Variants in ATP8A2 observed in about 807,000 individuals in gnomAD.
ATP8A2 encodes phospholipid-transporting ATPase IB.
Under a neutral mutation model 165.6 loss-of-function variants are expected in ATP8A2, and 100 were observed. The ratio of observed to expected loss-of-function variants is 0.60; its 90% CI spans 0.51 to 0.71. The LOEUF (loss-of-function observed/expected upper bound fraction) is 0.71, where lower values mean the gene tolerates loss of function less well. ATP8A2 is among the 30% of genes least tolerant of loss of function. ATP8A2 has a pLI of 0.00. For missense variants in ATP8A2, 1,227 were observed against 1,479.5 expected (o/e 0.83, Z 2.80); for synonymous variants, 543 against 548.8 (o/e 0.99, Z 0.15).
At chr13:25,607,741 A>G (rs945932799) in intron 24 of ATP8A2, among the ~76,000 whole-genome samples, 1 of 152,224 alleles carries the variant, frequency 6.6e-6, no homozygotes, top group African/African-American at 2.4e-5. Context: ...AATTGGATCT[A>G]TGGCTAATTT....
Position 25,516,509 on chromosome 13 carries a change from T to C in ATP8A2, c.222-13490T>C, listed in dbSNP as rs559192710. 3.4e-4 allele frequency among the ~76,000 whole-genome samples: 52 copies of C among 152,324 alleles called. No individual in the cohort carries two copies. The South Asian group carries it at 0.011, about 31-fold the overall frequency. ...AAATGTGGTATACTTAAATGCAATA[T>C]GTTTTAGTGTTAGAGTTTCACACGC... On this transcript the variant is annotated intron_variant, in intron 2 of 36. Transcript: ENST00000381655.
intron 24 of ATP8A2, among the ~76,000 whole-genome samples, chr13:25,644,988 C>G (rs1320095009): frequency 1.3e-5 from 2 of 151,968 alleles, no homozygotes; most frequent in Non-Finnish European, 2.9e-5. Flanking sequence ...TTTTGTTTGT[C>G]TTTTAAAAAA....
intron 26 of ATP8A2, among the ~76,000 whole-genome samples, chr13:25,773,993 T>C (rs1454439430): frequency 1.3e-5 from 2 of 152,226 alleles, no homozygotes; most frequent in Non-Finnish European, 2.9e-5. Flanking sequence ...GACTGTATTG[T>C]GTGAGTGTCC....
chr13:25,528,851 A>T (rs1445498597), intron 2 of ATP8A2, among the ~76,000 whole-genome samples: 1 of 143,116 alleles, frequency 7.0e-6, no homozygotes, highest in East Asian at 2.0e-4. Context: ...ATGCACACAT[A>T]TGCAACATGT....
intron 2 of ATP8A2, among the ~76,000 whole-genome samples, chr13:25,506,959 A>G (rs866451493): frequency 6.9e-6 from 1 of 145,946 alleles, no homozygotes; most frequent in Non-Finnish European, 1.5e-5. Context: ...ATATATATAT[A>G]TATCTTATTT....
intron 25 of ATP8A2, among the ~76,000 whole-genome samples, chr13:25,723,995 A>G (rs2043440425): frequency 1.3e-5 from 2 of 152,158 alleles, no homozygotes; most frequent in South Asian, 2.1e-4. Context: ...GGTAACCTCT[A>G]GGTGCTGGGA....
chr13:25,437,512 C>A (rs1246418013), intron 1 of ATP8A2, among the ~76,000 whole-genome samples: 2 of 152,296 alleles, frequency 1.3e-5, no homozygotes, highest in African/African-American at 4.8e-5. Flanking sequence ...CAGATCAAAG[C>A]TCTTATATAA....
At chr13:25,589,734 A>G (rs764471497) in intron 24 of ATP8A2, 35 bp downstream of exon 24, 4 of 1,354,424 alleles carry the variant, frequency 3.0e-6, no homozygotes, top group East Asian at 2.3e-5. Flanking sequence ...TTGCTTTGCT[A>G]TAACAGTATT....
intron 35 of ATP8A2, among the ~76,000 whole-genome samples, chr13:26,003,126 T>G (rs1956669234): frequency 6.6e-6 from 1 of 152,160 alleles, no homozygotes; most frequent in African/African-American, 2.4e-5. Context: ...GTAGCTATAC[T>G]AATTTGTATT....
chr13:25,727,541 C>T (rs1354940045), intron 25 of ATP8A2, among the ~76,000 whole-genome samples: 2 of 152,158 alleles, frequency 1.3e-5, no homozygotes, highest in Non-Finnish European at 2.9e-5. Flanking sequence ...TGGAAATGCT[C>T]ATGGCTAAAG....
At chr13:25,980,028 A>T (rs981723771) in intron 35 of ATP8A2, among the ~76,000 whole-genome samples, 6 of 152,208 alleles carry the variant, frequency 3.9e-5, no homozygotes, top group African/African-American at 1.4e-4. Flanking sequence ...GGAAAACCGT[A>T]TGTATTTTTA....
chr13:25,851,564 C>T (rs181808328), intron 30 of ATP8A2, among the ~76,000 whole-genome samples: 3 of 147,338 alleles, frequency 2.0e-5, no homozygotes, highest in African/African-American at 7.5e-5. Flanking sequence ...GCCTGGGTGA[C>T]AGAGTGTGAC....
At position 25,372,163 on chromosome 13, in the gene ATP8A2, C is replaced by T. The variant is rs1389037356; in HGVS notation, c.-50C>T. ...GGCGGCCCCTGCGCCCAGCCCTGCGCGTAGCCTCCGTCTCTCGCCCGGGGC... is the reference window on the plus strand; with the variant it reads ...GGCGGCCCCTGCGCCCAGCCCTGCGTGTAGCCTCCGTCTCTCGCCCGGGGC... On this transcript the variant is annotated 5_prime_UTR_variant, in exon 1 of 37. Transcript: ENST00000381655. The surrounding 1 kb of genome is among the most constrained non-coding windows in gnomAD (Gnocchi z 4.8). 1.5e-6 allele frequency: 2 copies of T among 1,334,432 alleles called. No individual in the cohort carries two copies. The highest frequency in any genetic ancestry group is 3.1e-5 in the African/African-American group (2 of 65,548). The allele number at this position is 1,334,432 out of a possible 1,614,324, so 82.7% of individuals were successfully genotyped here. A position where few individuals can be genotyped will look rare whatever the true frequency, so the allele number is the denominator to read the frequency against.
At chr13:25,518,937 G>A (rs1338302346) in intron 2 of ATP8A2, among the ~76,000 whole-genome samples, 1 of 152,152 alleles carries the variant, frequency 6.6e-6, no homozygotes, top group Admixed American at 6.5e-5. Flanking sequence ...TCCTCTCCTG[G>A]GAAGCCTCCA....
chr13:25,643,997 A>ATTTTG (rs2041606152), intron 24 of ATP8A2, among the ~76,000 whole-genome samples: 1 of 149,942 alleles, frequency 6.7e-6, no homozygotes, highest in South Asian at 2.1e-4. Context: ...TTCCTATTTT[A>ATTTTG]TTTGTAGCTA....
At chr13:25,559,912 C>A in intron 15 of ATP8A2, 147 bp downstream of exon 15, 1 of 603,536 alleles carries the variant, frequency 1.7e-6, no homozygotes, top group Non-Finnish European at 2.9e-6. Context: ...ACTGTAGTCA[C>A]GAACTCCTGG....
At chr13:25,431,817 C>T (rs574366942) in intron 1 of ATP8A2, among the ~76,000 whole-genome samples, 21 of 152,266 alleles carry the variant, frequency 1.4e-4, no homozygotes, top group South Asian at 8.3e-4. Flanking sequence ...AGGTGTGCAG[C>T]CATCACAATT....
At chr13:25,469,903 A>T (rs118005496) in intron 2 of ATP8A2, among the ~76,000 whole-genome samples, 315 of 152,344 alleles carry the variant, frequency 2.1e-3, no homozygotes, top group South Asian at 0.012. Context: ...AAATTTCATT[A>T]AACTTTCAGG....
intron 29 of ATP8A2, 150 bp from the exon 30 acceptor site, chr13:25,839,396 T>G: frequency 1.7e-6 from 1 of 587,664 alleles, no homozygotes; most frequent in Non-Finnish European, 3.1e-6. Flanking sequence ...TTGGGTGGGT[T>G]TTTTTTTTTT....
Sources: allele counts gnomAD v4.1 joint callset (sites outside exome capture counted in the v4.1 genomes callset), GRCh38; gene constraint gnomAD v4.1.1; non-coding constraint Gnocchi (gnomAD v3.1); transcripts MANE v1.5; gene names NCBI Gene and HGNC (gene_info 2026-07-23, HGNC 2026-07-21).